The following CHSY3 variants were observed in gnomAD, a reference collection of about 807,000 sequenced individuals.
The protein encoded by CHSY3 is N-acetylgalactosaminyl-proteoglycan 3-beta-glucuronosyltransferase 3.
CHSY3 carries 35 observed loss-of-function variants against 67.2 expected under a neutral mutation model. The ratio of observed to expected loss-of-function variants is 0.52; its 90% CI spans 0.40 to 0.69. The LOEUF (loss-of-function observed/expected upper bound fraction) is 0.69. Ranked by LOEUF, CHSY3 falls within the 30% of genes least tolerant of loss-of-function variation. The pLI is 0.00. For missense variants in CHSY3, 1,069 were observed against 1,138.5 expected (o/e 0.94, Z 0.88); for synonymous variants, 474 against 434.7 (o/e 1.09, Z -1.12).
intron 2 of CHSY3, among the ~76,000 whole-genome samples, chr5:130,061,843 G>T (rs538874762): frequency 6.6e-6 from 1 of 151,274 alleles, no homozygotes; most frequent in Non-Finnish European, 1.5e-5. Flanking sequence ...AACTAAAACC[G>T]CAATGAAATA....
chr5:129,953,134 C>G (rs540081200), intron 2 of CHSY3, among the ~76,000 whole-genome samples: 14 of 152,218 alleles, frequency 9.2e-5, no homozygotes, highest in African/African-American at 3.1e-4. Flanking sequence ...TCCCCTATCC[C>G]CCTACCCCCA....
intron 2 of CHSY3, among the ~76,000 whole-genome samples, chr5:130,067,040 A>C (rs1020537966): frequency 2.0e-5 from 3 of 152,012 alleles, no homozygotes; most frequent in African/African-American, 7.2e-5. Flanking sequence ...TTTCATTTTT[A>C]TTTTCTTCAA....
chr5:129,923,398 T>C (rs2149584449), intron 2 of CHSY3, among the ~76,000 whole-genome samples: 1 of 152,230 alleles, frequency 6.6e-6, no homozygotes, highest in African/African-American at 2.4e-5. Context: ...CGAGTTTCAT[T>C]CATTATTCAT....
chr5:129,959,248 G>A (rs1762263494), intron 2 of CHSY3, among the ~76,000 whole-genome samples: 2 of 151,822 alleles, frequency 1.3e-5, no homozygotes, highest in South Asian at 2.1e-4. Flanking sequence ...AAATAATATT[G>A]GTTAGATGAC....
At chr5:130,088,724 A>T (rs1272281484) in intron 2 of CHSY3, among the ~76,000 whole-genome samples, 1 of 152,152 alleles carries the variant, frequency 6.6e-6, no homozygotes, top group Non-Finnish European at 1.5e-5. Context: ...AGGAAACAAC[A>T]GGTGCTGGAG....
chr5:129,924,197 A>G (rs924457786), intron 2 of CHSY3, among the ~76,000 whole-genome samples: 2 of 152,060 alleles, frequency 1.3e-5, no homozygotes, highest in Non-Finnish European at 2.9e-5. Flanking sequence ...CTTCCTAGAG[A>G]GCTTCCCCCA....
intron 2 of CHSY3, among the ~76,000 whole-genome samples, chr5:129,995,362 T>A (rs1763503869): frequency 6.6e-6 from 1 of 152,060 alleles, no homozygotes; most frequent in South Asian, 2.1e-4. Flanking sequence ...TGCAGATATC[T>A]TCACCTACCC....
At chr5:129,961,308 G>C (rs528522846) in intron 2 of CHSY3, among the ~76,000 whole-genome samples, 74 of 152,154 alleles carry the variant, frequency 4.9e-4, no homozygotes, top group African/African-American at 1.6e-3. Context: ...AATAAAATGT[G>C]TGTTCATATT....
intron 2 of CHSY3, among the ~76,000 whole-genome samples, chr5:129,939,622 T>C (rs1031839886): frequency 2.6e-5 from 4 of 152,208 alleles, no homozygotes; most frequent in African/African-American, 9.6e-5. Context: ...ATATGGAAAG[T>C]CTTGTCTATC....
At chr5:130,116,955 A>G (rs1275148795) in intron 2 of CHSY3, among the ~76,000 whole-genome samples, 1 of 152,058 alleles carries the variant, frequency 6.6e-6, no homozygotes, top group African/African-American at 2.4e-5. Context: ...AAAATGTGGC[A>G]TCATTTCAAA....
Position 129,908,093 on chromosome 5 carries a change from G to T in CHSY3, c.819G>T (p.Glu273Asp), listed in dbSNP as rs768133618. Residue 273 changes from glutamate (E) to aspartate (D), a missense_variant, in exon 2 of 3, where the codon GAG (glutamate) becomes GAT (aspartate). Physicochemically the swap from Glu to Asp is conservative, Grantham distance 45. This residue lies in a region of CHSY3 where 216 missense variants were observed against 311.5 expected (regional missense o/e 0.69). Coordinates refer to ENST00000305031, the MANE Select transcript of CHSY3 (RefSeq NM_175856.5). ...TTTTTGTAGGTGATAAATTAGAAGA[G>T]TTTCTTAGATCGCTAAACAGCAGTA... ...DVYIKGDKLE[E>D]FLRSLNSSKP... The T allele has an allele frequency of 1.2e-6, 2 of 1,612,322 alleles. No individual in the cohort carries two copies. The highest frequency in any genetic ancestry group is 1.7e-5 in the Admixed American group (1 of 59,662).
intron 2 of CHSY3, among the ~76,000 whole-genome samples, chr5:129,971,612 T>C (rs1218352692): frequency 6.6e-6 from 1 of 151,986 alleles, no homozygotes; most frequent in Non-Finnish European, 1.5e-5. Context: ...TTAGGAAAAT[T>C]ACTTGTCTAA....
intron 2 of CHSY3, among the ~76,000 whole-genome samples, chr5:130,055,508 T>G (rs1212770987): frequency 6.6e-6 from 1 of 152,160 alleles, no homozygotes; most frequent in African/African-American, 2.4e-5. Flanking sequence ...TTTTTTGTAC[T>G]GATGATATGT....
chr5:130,131,923 TAG>T (rs1768495901), intron 2 of CHSY3, among the ~76,000 whole-genome samples: 3 of 152,170 alleles, frequency 2.0e-5, no homozygotes, highest in Non-Finnish European at 4.4e-5. Context: ...AATTGTATCA[TAG>T]AGAGTGCCTC....
At chr5:130,171,708 G>A (rs767457719) in intron 2 of CHSY3, among the ~76,000 whole-genome samples, 5 of 152,228 alleles carry the variant, frequency 3.3e-5, no homozygotes, top group East Asian at 1.9e-4. Flanking sequence ...AAATGAAACA[G>A]GAAAAATGTG....
At chr5:130,174,648 A>T (rs977521177) in intron 2 of CHSY3, among the ~76,000 whole-genome samples, 1 of 152,174 alleles carries the variant, frequency 6.6e-6, no homozygotes, top group Admixed American at 6.5e-5. Context: ...TAACAACTAC[A>T]ACAATAACTA....
chr5:129,936,480 G>C (rs1309306701), intron 2 of CHSY3, among the ~76,000 whole-genome samples: 1 of 152,052 alleles, frequency 6.6e-6, no homozygotes, highest in South Asian at 2.1e-4. Flanking sequence ...TTAGTCACCA[G>C]GCACTGACCC....
chr5:130,036,246 C>G (rs562569495), intron 2 of CHSY3, among the ~76,000 whole-genome samples: 2 of 152,174 alleles, frequency 1.3e-5, no homozygotes, highest in Non-Finnish European at 2.9e-5. Context: ...AGCAAAAGCT[C>G]TTGCATATAC....
At chr5:130,178,146 G>A (rs529885471) in intron 2 of CHSY3, among the ~76,000 whole-genome samples, 1 of 137,548 alleles carries the variant, frequency 7.3e-6, no homozygotes, top group South Asian at 2.2e-4. Context: ...GGATATAGTT[G>A]TGGTCTTTTT....
Sources: allele counts gnomAD v4.1 joint callset (sites outside exome capture counted in the v4.1 genomes callset), GRCh38; gene constraint gnomAD v4.1.1; regional missense constraint gnomAD v4.1.1; transcripts MANE v1.5; gene names NCBI Gene and HGNC (gene_info 2026-07-23, HGNC 2026-07-21).